Variants in PRKN observed in about 807,000 individuals in gnomAD.
The protein encoded by PRKN is parkin RBR E3 ubiquitin protein ligase, also known as E3 ubiquitin-protein ligase parkin.
Under a neutral mutation model 59.5 loss-of-function variants are expected in PRKN, and 56 were observed. That is an observed-to-expected ratio of 0.94 (90% CI 0.76 to 1.18). The LOEUF (loss-of-function observed/expected upper bound fraction) is 1.18, where lower values mean the gene tolerates loss of function less well. PRKN is among the 50% of genes most tolerant of loss of function. The pLI is 0.00. For missense variants in PRKN, 657 were observed against 596.4 expected, an observed-to-expected ratio of 1.10 and a Z score of -1.06; for synonymous variants, 250 against 222.1, an observed-to-expected ratio of 1.13 and a Z score of -1.12.
chr6:161,793,656 A>G (rs560928536), intron 6 of PRKN, among the ~76,000 whole-genome samples: 2 of 152,164 alleles, frequency 1.3e-5, no homozygotes, highest in Non-Finnish European at 2.9e-5. Flanking sequence ...AAGCACTACC[A>G]TAAGGATGAA....
chr6:161,829,677 A>G (rs767898203), intron 6 of PRKN, among the ~76,000 whole-genome samples: 35 of 152,102 alleles, frequency 2.3e-4, no homozygotes, highest in Non-Finnish European at 4.7e-4. Context: ...AGCTTTGTGG[A>G]CAGACGCCCC....
rs147562655 is a variant in PRKN, at chr6:162,051,511, G to A, written c.618+2580C>T. Among the ~76,000 whole-genome samples the A allele has an allele frequency of 5.8e-4, 88 of 152,274 alleles. 1 individual carries two copies. In the Middle Eastern group the frequency reaches 0.017, roughly 29 times the overall value. On this transcript the variant is annotated intron_variant, in intron 5 of 11. Coordinates refer to ENST00000366898, the MANE Select transcript of PRKN (RefSeq NM_004562.3). ...CACGCGCCTCCGCATCCTCGTTCAG[G>A]AACAATGTGTTCCTGCCTGAGAGGC...
chr6:162,691,488 A>G (rs1446747328), intron 1 of PRKN, among the ~76,000 whole-genome samples: 1 of 152,162 alleles, frequency 6.6e-6, no homozygotes, highest in East Asian at 1.9e-4. Flanking sequence ...ATAATAGTCA[A>G]TATTTATATG....
chr6:161,350,907 A>T (rs1223829517), intron 11 of PRKN, among the ~76,000 whole-genome samples: 1 of 93,732 alleles, frequency 1.1e-5, no homozygotes. Context: ...ATATAAATAT[A>T]TTTTATATAT....
chr6:161,894,653 T>G (rs1445640462), intron 6 of PRKN, among the ~76,000 whole-genome samples: 2 of 152,348 alleles, frequency 1.3e-5, no homozygotes, highest in Non-Finnish European at 2.9e-5. Flanking sequence ...ATTCTTCCCG[T>G]GTTTGTGTCC....
intron 5 of PRKN, among the ~76,000 whole-genome samples, chr6:162,018,414 G>A (rs774285560): frequency 4.6e-5 from 7 of 152,170 alleles, no homozygotes; most frequent in Non-Finnish European, 1.5e-5. Flanking sequence ...TCCCATTCTT[G>A]GGAGATGTGG....
At chr6:162,552,934 G>T (rs1263088077) in intron 1 of PRKN, among the ~76,000 whole-genome samples, 2 of 152,122 alleles carry the variant, frequency 1.3e-5, no homozygotes, top group African/African-American at 2.4e-5. Context: ...AACCAGAGGG[G>T]GTGGTCCACA....
chr6:162,496,833 G>T (rs1793085803), intron 1 of PRKN, among the ~76,000 whole-genome samples: 1 of 152,128 alleles, frequency 6.6e-6, no homozygotes, highest in Admixed American at 6.6e-5. Context: ...TGAAATACTT[G>T]TAACTATAAG....
At chr6:162,682,544 C>T (rs952513038) in intron 1 of PRKN, among the ~76,000 whole-genome samples, 2 of 152,072 alleles carry the variant, frequency 1.3e-5, no homozygotes, top group African/African-American at 4.8e-5. Context: ...TAAGAGGAAG[C>T]TAAACATTGA....
intron 1 of PRKN, among the ~76,000 whole-genome samples, chr6:162,461,499 C>CAAAAAAAAAAAAAAAAAAA (rs780424226): frequency 2.7e-3 from 100 of 36,526 alleles, no homozygotes; most frequent in Non-Finnish European, 3.3e-3. Flanking sequence ...TAAAGTGTCT[C>CAAAAAAAAAAAAAAAAAAA]AAAAAAAAAA....
intron 2 of PRKN, among the ~76,000 whole-genome samples, chr6:162,370,423 C>A (rs12204428): frequency 6.6e-6 from 1 of 151,942 alleles, no homozygotes; most frequent in Non-Finnish European, 1.5e-5. Context: ...AATATTCGTC[C>A]TTGTGTCACT....
chr6:162,701,988 T>C (rs1485550303), intron 1 of PRKN, among the ~76,000 whole-genome samples: 19 of 151,718 alleles, frequency 1.3e-4, no homozygotes, highest in Non-Finnish European at 1.2e-4. Context: ...AAACCAAGGG[T>C]TTTAAAAATC....
In PRKN at chr6:161,943,328, C is replaced by T. The variant is rs1779635079; in HGVS notation, c.734+29974G>A. On this transcript the variant is annotated intron_variant, in intron 6 of 11. Transcript: ENST00000366898. ...TTTCATGTCATTCATCAAATGCTAT[C>T]AATACACTCTGTGCCAAGCACTGGG... 2.0e-5 allele frequency among the ~76,000 whole-genome samples: 3 copies of T among 152,214 alleles called. No individual in the cohort carries two copies. The South Asian group carries it at 6.2e-4, about 32-fold the overall frequency.
intron 1 of PRKN, among the ~76,000 whole-genome samples, chr6:162,496,960 C>T (rs1025124967): frequency 2.6e-5 from 4 of 152,092 alleles, no homozygotes; most frequent in African/African-American, 2.4e-5. Context: ...TGCCATGTTT[C>T]GAAACCTCCT....
At chr6:161,914,502 A>G (rs905582986) in intron 6 of PRKN, among the ~76,000 whole-genome samples, 6 of 152,108 alleles carry the variant, frequency 3.9e-5, no homozygotes, top group Non-Finnish European at 7.4e-5. Context: ...TACTTTTTAT[A>G]CTACACCCAT....
chr6:162,584,824 TCCCC>T (rs1562409231), intron 1 of PRKN, among the ~76,000 whole-genome samples: 9 of 6,682 alleles, frequency 1.3e-3, no homozygotes, highest in Admixed American at 5.1e-3. Context: ...TCCCCTCCCC[TCCCC>T]TGTCCCATCC....
intron 9 of PRKN, among the ~76,000 whole-genome samples, chr6:161,535,969 T>TA (rs1779399340): frequency 6.6e-6 from 1 of 151,668 alleles, no homozygotes; most frequent in Admixed American, 6.6e-5. Flanking sequence ...TTTTTTTTTT[T>TA]ATTGCTGATT....
intron 7 of PRKN, among the ~76,000 whole-genome samples, chr6:161,732,655 T>C (rs959810758): frequency 5.9e-5 from 9 of 152,238 alleles, no homozygotes; most frequent in Non-Finnish European, 1.2e-4. Flanking sequence ...CATTTGGTTT[T>C]CTGTTGCTGT....
intron 1 of PRKN, among the ~76,000 whole-genome samples, chr6:162,468,497 G>A (rs1203467376): frequency 6.6e-6 from 1 of 150,626 alleles, no homozygotes; most frequent in Admixed American, 6.6e-5. Context: ...AAACTGTTCG[G>A]TAATCCCATA....
Sources: allele counts gnomAD v4.1 joint callset (sites outside exome capture counted in the v4.1 genomes callset), GRCh38; gene constraint gnomAD v4.1.1; transcripts MANE v1.5; gene names NCBI Gene and HGNC (gene_info 2026-07-23, HGNC 2026-07-21).